Variants in RIMS1 observed in about 807,000 individuals in gnomAD.
RIMS1 encodes the protein regulating synaptic membrane exocytosis 1, also known as regulating synaptic membrane exocytosis protein 1.
RIMS1 carries 83 observed loss-of-function variants against 214.1 expected under a neutral mutation model. The ratio of observed to expected loss-of-function variants is 0.39; its 90% CI spans 0.32 to 0.47. The LOEUF (loss-of-function observed/expected upper bound fraction) is 0.47. Ranked by LOEUF, RIMS1 falls within the 20% of genes least tolerant of loss-of-function variation. The pLI is 0.99. For missense variants in RIMS1, 2,050 were observed against 2,161.8 expected, an observed-to-expected ratio of 0.95 and a Z score of 1.03; for synonymous variants, 793 against 786.8, an observed-to-expected ratio of 1.01 and a Z score of -0.13.
At chr6:72,068,990 G>A (rs536161363) in intron 2 of RIMS1, among the ~76,000 whole-genome samples, 1 of 145,392 alleles carries the variant, frequency 6.9e-6, no homozygotes, top group Non-Finnish European at 1.5e-5. Context: ...CAGAGGAAGA[G>A]GAAACCTCCA....
At chr6:72,081,708 T>C (rs1295766538) in intron 2 of RIMS1, among the ~76,000 whole-genome samples, 1 of 152,168 alleles carries the variant, frequency 6.6e-6, no homozygotes, top group African/African-American at 2.4e-5. Context: ...AGAATACATC[T>C]GCATTTGTAT....
chr6:72,400,845 A>T lies in RIMS1; in HGVS notation c.*131A>T. On this transcript the variant is annotated 3_prime_UTR_variant, in exon 34 of 34. Transcript: ENST00000521978. ...GTGTTTTGCCTGTAGTAGTTTTTCA[A>T]TAATATGTCCCAATTGTTATTTAAA... 1.5e-6 allele frequency: 1 copy of T among 682,518 alleles called. No individual in the cohort carries two copies. Among genetic ancestry groups the T allele is most frequent in the East Asian group, 2.7e-5 (1 of 36,986 alleles). 42.3% of individuals were successfully genotyped at this position (682,518 alleles called of 1,614,324 possible). A position where few individuals can be genotyped will look rare whatever the true frequency, so the allele number is the denominator to read the frequency against.
intron 2 of RIMS1, among the ~76,000 whole-genome samples, chr6:72,055,779 T>C (rs529542888): frequency 6.6e-6 from 1 of 152,316 alleles, no homozygotes; most frequent in African/African-American, 2.4e-5. Context: ...CTGGTAAAGT[T>C]GTGGACAAAA....
chr6:72,041,661 T>C (rs569844863), intron 2 of RIMS1, among the ~76,000 whole-genome samples: 6 of 152,016 alleles, frequency 3.9e-5, no homozygotes, highest in African/African-American at 1.4e-4. Flanking sequence ...TCCACACAAC[T>C]AAGCCTTCAC....
intron 6 of RIMS1, among the ~76,000 whole-genome samples, chr6:72,226,248 T>C (rs2060143896): frequency 6.6e-6 from 1 of 152,118 alleles, no homozygotes; most frequent in Non-Finnish European, 1.5e-5. Context: ...AAAGATGGCA[T>C]TGAACATCAT....
intron 4 of RIMS1, among the ~76,000 whole-genome samples, chr6:72,135,577 T>C (rs2041150659): frequency 6.6e-6 from 1 of 152,100 alleles, no homozygotes; most frequent in South Asian, 2.1e-4. Context: ...TTAGTGTGGG[T>C]GTCAGGGTAT....
At chr6:72,007,948 A>T (rs551742798) in intron 2 of RIMS1, among the ~76,000 whole-genome samples, 1 of 152,308 alleles carries the variant, frequency 6.6e-6, no homozygotes, top group African/African-American at 2.4e-5. Context: ...GCAGGCCAAC[A>T]TTCAAATTCA....
chr6:72,398,152 G>A, intron 31 of RIMS1, 97 bp from the exon 32 acceptor site: 3 of 674,452 alleles, frequency 4.4e-6, no homozygotes, highest in South Asian at 4.0e-5. Context: ...AAATCATGAA[G>A]ATAAAAATCT....
At chr6:71,989,498 T>C (rs976240425) in intron 2 of RIMS1, among the ~76,000 whole-genome samples, 4 of 152,216 alleles carry the variant, frequency 2.6e-5, no homozygotes, top group Non-Finnish European at 5.9e-5. Flanking sequence ...CATAATTTTA[T>C]TTAAGATGAA....
intron 2 of RIMS1, among the ~76,000 whole-genome samples, chr6:72,027,222 G>T (rs1341247028): frequency 6.6e-6 from 1 of 151,994 alleles, no homozygotes; most frequent in South Asian, 2.1e-4. Flanking sequence ...ATCTTACATC[G>T]GAAATAGATG....
At chr6:72,199,636 A>T (rs977927328) in intron 6 of RIMS1, among the ~76,000 whole-genome samples, 2 of 152,102 alleles carry the variant, frequency 1.3e-5, no homozygotes, top group Non-Finnish European at 1.5e-5. Context: ...AGTCTTATGT[A>T]AAATATTGAA....
chr6:72,123,490 A>G (rs1240776857), intron 4 of RIMS1, among the ~76,000 whole-genome samples: 3 of 151,734 alleles, frequency 2.0e-5, no homozygotes, highest in South Asian at 4.2e-4. Flanking sequence ...TATTAGGTCC[A>G]CTTGGTGCAG....
chr6:72,238,683 G>A (rs1177551731), intron 9 of RIMS1, among the ~76,000 whole-genome samples: 2 of 152,052 alleles, frequency 1.3e-5, no homozygotes, highest in African/African-American at 4.8e-5. Context: ...CTTTTGGTTA[G>A]ATGGCTGTTT....
intron 2 of RIMS1, among the ~76,000 whole-genome samples, chr6:72,043,604 G>A (rs932504076): frequency 2.7e-5 from 4 of 147,112 alleles, no homozygotes; most frequent in African/African-American, 1.0e-4. Context: ...GTGTTCCTTT[G>A]AGAACATTAA....
chr6:72,196,603 T>TTTTTTTTTTTTTTC, intron 6 of RIMS1, among the ~76,000 whole-genome samples: 1 of 132,288 alleles, frequency 7.6e-6, no homozygotes, highest in African/African-American at 2.8e-5. Flanking sequence ...TTTTTTTTTT[T>TTTTTTTTTTTTTTC]ACCTATACAG....
At chr6:71,960,919 A>G (rs1319756899) in intron 1 of RIMS1, among the ~76,000 whole-genome samples, 1 of 151,998 alleles carries the variant, frequency 6.6e-6, no homozygotes, top group Non-Finnish European at 1.5e-5. Flanking sequence ...TTTTGCACCC[A>G]ACAAGCCAAA....
intron 23 of RIMS1, among the ~76,000 whole-genome samples, chr6:72,280,191 A>G (rs2089357776): frequency 6.6e-6 from 1 of 152,022 alleles, no homozygotes; most frequent in Non-Finnish European, 1.5e-5. Context: ...ATTATTGAGC[A>G]ACTACCATAT....
In RIMS1 at chr6:72,090,110, C is replaced by T. The variant is rs930513608; in HGVS notation, c.246-6839C>T. On this transcript the variant is annotated intron_variant, in intron 2 of 33. Transcript: ENST00000521978. ...GGGTGCAGCGCACCAGCATGGCACACGTATACATATGTAACTAACCTGCAC... is the reference window on the plus strand; with the variant it reads ...GGGTGCAGCGCACCAGCATGGCACATGTATACATATGTAACTAACCTGCAC... Among the ~76,000 whole-genome samples, 9 of 151,384 alleles carry T rather than the reference C, an allele frequency of 5.9e-5. No homozygotes were observed. In the South Asian group the frequency reaches 8.4e-4, roughly 14 times the overall value.
At chr6:72,120,734 A>G (rs537727737) in intron 4 of RIMS1, among the ~76,000 whole-genome samples, 28 of 151,970 alleles carry the variant, frequency 1.8e-4, no homozygotes, top group African/African-American at 6.3e-4. Flanking sequence ...GCCCATGCCT[A>G]TGTCCTGAAT....
Sources: allele counts gnomAD v4.1 joint callset (sites outside exome capture counted in the v4.1 genomes callset), GRCh38; gene constraint gnomAD v4.1.1; transcripts MANE v1.5; gene names NCBI Gene and HGNC (gene_info 2026-07-23, HGNC 2026-07-21).